Variants in SLC2A3 observed in about 807,000 individuals in gnomAD.
SLC2A3 encodes solute carrier family 2, facilitated glucose transporter member 3.
Under a neutral mutation model 46.4 loss-of-function variants are expected in SLC2A3, and 21 were observed. The observed-to-expected ratio is 0.45, with a 90% CI of 0.32 to 0.65. SLC2A3 has a LOEUF of 0.65. Ranked by LOEUF, SLC2A3 falls within the 30% of genes least tolerant of loss-of-function variation. The pLI is 0.04. For synonymous variants in SLC2A3, 213 were observed against 239.4 expected (o/e 0.89, Z 1.02); for missense variants, 499 against 623.3 (o/e 0.80, Z 2.12).
intron 6 of SLC2A3, among the ~76,000 whole-genome samples, chr12:7,927,339 A>G (rs954322016): frequency 6.6e-6 from 1 of 152,134 alleles, no homozygotes; most frequent in African/African-American, 2.4e-5. Context: ...ACAAGCAATA[A>G]ATAGGTATGC....
Position 7,936,074 on chromosome 12 carries a change from G to C in SLC2A3, c.-40C>G. The C allele has an allele frequency of 6.3e-7, 1 of 1,586,200 alleles. No individual in the cohort carries two copies. The highest frequency in any genetic ancestry group is 8.7e-7 in the Non-Finnish European group (1 of 1,154,796). The stretch of plus-strand genomic sequence containing the variant: ...TCAAGTCTTCAAGAAAGATCTAGGG[G>C]TGATTCCAGAAACAGCTTTTTCAGC... On this transcript the variant is annotated 5_prime_UTR_variant, in exon 1 of 10. Coordinates refer to ENST00000075120, the MANE Select transcript of SLC2A3 (RefSeq NM_006931.3).
At chr12:7,935,522 A>C (rs1417493804) in intron 1 of SLC2A3, among the ~76,000 whole-genome samples, 1 of 152,168 alleles carries the variant, frequency 6.6e-6, no homozygotes, top group Non-Finnish European at 1.5e-5. Flanking sequence ...TATGTCCTGC[A>C]CTCACGATTT....
At chr12:7,928,232 T>C (rs1946114893) in intron 6 of SLC2A3, among the ~76,000 whole-genome samples, 1 of 151,944 alleles carries the variant, frequency 6.6e-6, no homozygotes, top group Non-Finnish European at 1.5e-5. Context: ...ACCTGTTCTC[T>C]ACTAAAAATA....
chr12:7,930,945 C>T (rs2541280), intron 4 of SLC2A3, among the ~76,000 whole-genome samples: 30,223 of 151,404 alleles, frequency 0.2, 3,428 homozygotes, highest in South Asian at 0.29. Flanking sequence ...TACAGGTGCC[C>T]GCTACCACGC....
chr12:7,922,987 G>C lies in SLC2A3; in HGVS notation c.1106C>G (p.Ala369Gly). 1.9e-6 allele frequency: 3 copies of C among 1,613,938 alleles called. No individual in the cohort carries two copies. The highest frequency in any genetic ancestry group is 2.2e-5 in the East Asian group (1 of 44,888). ...YNGMSFVCIG[A>G]ILVFVAFFEI... The stretch of plus-strand genomic sequence containing the variant: ...AAAGAAGGCTACAAAGACCAAGATA[G>C]CCCCAATACAGACAAAGCTCATCCC... The change falls in exon 9 of 10, where the codon GCT becomes GGT. Residue 369 changes from alanine to glycine, a missense_variant. By Grantham distance (60) the Ala-to-Gly change is moderately conservative (BLOSUM62 0). Around this residue, in one of 5 missense-constraint regions of SLC2A3, gnomAD observed 179 missense variants for 205.1 expected, o/e 0.87. Coordinates refer to ENST00000075120, the MANE Select transcript of SLC2A3 (RefSeq NM_006931.3).
intron 1 of SLC2A3, among the ~76,000 whole-genome samples, chr12:7,934,121 A>G (rs963493048): frequency 6.6e-6 from 1 of 152,130 alleles, no homozygotes; most frequent in African/African-American, 2.4e-5. Context: ...GGTAAAAATG[A>G]AAGAAAATTG....
At chr12:7,923,130 A>C (rs754811790) in intron 8 of SLC2A3, 106 bp from the exon 9 acceptor site, 5 of 1,062,908 alleles carry the variant, frequency 4.7e-6, no homozygotes, top group Non-Finnish European at 6.7e-6. Context: ...CTGACGTACA[A>C]TACAAAGAGT....
chr12:7,935,582 A>C (rs1328510809), intron 1 of SLC2A3, among the ~76,000 whole-genome samples: 1 of 152,168 alleles, frequency 6.6e-6, no homozygotes, highest in Non-Finnish European at 1.5e-5. Flanking sequence ...AGCATCCACG[A>C]ACCCCATATG....
Position 7,925,877 on chromosome 12 carries a change from C to A in SLC2A3, c.933G>T (p.Ala311=). 1 of 1,613,678 alleles carries A rather than the reference C, an allele frequency of 6.2e-7. No individual in the cohort carries two copies. Among genetic ancestry groups the A allele is most frequent in the Non-Finnish European group, 8.5e-7 (1 of 1,179,764 alleles). ...CAGTGAAGATAGTATTAACCACACC[C>A]GCGCCGATGGTGGCATAGATGGGCT... ...VQEPIYATIG[A]GVVNTIFTVV... is the part of the protein sequence containing the mutation. Residue 311 remains alanine (A), a synonymous_variant, in exon 7 of 10, where the codon GCG becomes GCT. Transcript: ENST00000075120.
intron 4 of SLC2A3, 83 bp downstream of exon 4, chr12:7,931,162 T>C: frequency 1.9e-6 from 3 of 1,567,092 alleles, no homozygotes; most frequent in Non-Finnish European, 2.6e-6. Flanking sequence ...ATGTGCCAGA[T>C]ATTCTTCAGT....
Position 7,922,899 on chromosome 12 carries a change from G to A in SLC2A3, c.1194C>T (p.Arg398=), listed in dbSNP as rs1946053832. The stretch of plus-strand genomic sequence containing the variant: ...AGCCGGCCACTGCCATCGCAGCTGG[G>A]CGGGGGCCCTGGCTGAAGAGTTCGG... ...IVAELFSQGP[R]PAAMAVAGCS... The change falls in exon 9 of 10, where the codon CGC becomes CGT. Residue 398 remains arginine, a synonymous_variant. Coordinates refer to ENST00000075120, the MANE Select transcript of SLC2A3 (RefSeq NM_006931.3). 6.2e-7 allele frequency: 1 copy of A among 1,614,178 alleles called. No individual in the cohort carries two copies. The highest frequency in any genetic ancestry group is 8.5e-7 in the Non-Finnish European group (1 of 1,180,016).
At chr12:7,930,254 T>C (rs544728766) in intron 5 of SLC2A3, 1 of 542,186 alleles carries the variant, frequency 1.8e-6, no homozygotes, top group Non-Finnish European at 3.1e-6. Flanking sequence ...AATGCTGGAT[T>C]ACAGGCATGA....
chr12:7,934,594 C>T lies in SLC2A3; in HGVS notation c.16-692G>A, dbSNP rs191157621. Among the ~76,000 whole-genome samples, 36 of 152,232 alleles carry T rather than the reference C, an allele frequency of 2.4e-4. 1 individual carries two copies. In the East Asian group the frequency reaches 6.9e-3, roughly 29 times the overall value. On this transcript the variant is annotated intron_variant, in intron 1 of 9. Coordinates refer to ENST00000075120, the MANE Select transcript of SLC2A3 (RefSeq NM_006931.3). ...AGTGGGGAGAACCGGTCATCTTCACCTTGCCTGGAATAATTCAGCCGGGCG... is the reference window on the plus strand; with the variant it reads ...AGTGGGGAGAACCGGTCATCTTCACTTTGCCTGGAATAATTCAGCCGGGCG...
intron 6 of SLC2A3, among the ~76,000 whole-genome samples, chr12:7,928,259 A>G (rs1039209509): frequency 4.0e-5 from 6 of 151,462 alleles, no homozygotes; most frequent in Admixed American, 3.3e-4. Flanking sequence ...TTAGCCAGGC[A>G]TGGTGGCACA....
In SLC2A3 at chr12:7,923,040, A is replaced by G; in HGVS notation, c.1069-16T>C. On this transcript the variant is annotated splice_polypyrimidine_tract_variant and intron_variant, in intron 8 of 9. Transcript: ENST00000075120. Reference sequence around the variant, plus strand: ...TATAGTTATCCTGTAAGAGCAAGGAACAGAGAAAATTAAATTTAAAGACAG... The same window carrying G: ...TATAGTTATCCTGTAAGAGCAAGGAGCAGAGAAAATTAAATTTAAAGACAG... 1 of 1,602,260 alleles carries G rather than the reference A, an allele frequency of 6.2e-7. No homozygotes were observed. The highest frequency in any genetic ancestry group is 8.5e-7 in the Non-Finnish European group (1 of 1,174,562).
rs376028465 is a variant in SLC2A3 at position 7,923,066 on chromosome 12, T to G, written c.1069-42A>C. 2.6e-6 allele frequency: 4 copies of G among 1,554,294 alleles called. 1 individual carries two copies. The highest frequency in any genetic ancestry group is 3.5e-6 in the Non-Finnish European group (4 of 1,147,252). ...CAGAGAAAATTAAATTTAAAGACAG[T>G]GTAACCTAGTATCTAGGTTCCCAGA... On this transcript the variant is annotated intron_variant, in intron 8 of 9. Coordinates refer to ENST00000075120, the MANE Select transcript of SLC2A3 (RefSeq NM_006931.3).
At chr12:7,927,472 A>C (rs1410629842) in intron 6 of SLC2A3, among the ~76,000 whole-genome samples, 1 of 152,148 alleles carries the variant, frequency 6.6e-6, no homozygotes, top group African/African-American at 2.4e-5. Context: ...GGTAACCCCT[A>C]CATCATCTCA....
rs1484891050 is a variant in SLC2A3 at position 7,925,843 on chromosome 12, C to T, written c.966+1G>A. On this transcript the variant is annotated splice_donor_variant, in intron 7 of 9. Coordinates refer to ENST00000075120, the MANE Select transcript of SLC2A3 (RefSeq NM_006931.3). LOFTEE classifies it high-confidence loss of function. ...CAAAATTACCAAACCATCCAACTTA[C>T]AGAAACTACAGTGAAGATAGTATTA... 3.0e-5 allele frequency: 49 copies of T among 1,609,534 alleles called. No individual in the cohort carries two copies. The highest frequency in any genetic ancestry group is 4.0e-5 in the Non-Finnish European group (47 of 1,176,414).
chr12:7,932,955 G>A, intron 3 of SLC2A3, 32 bp downstream of exon 3: 8 of 1,612,178 alleles, frequency 5.0e-6, no homozygotes, highest in Non-Finnish European at 6.8e-6. Context: ...GGCTGGTAGA[G>A]CCCACTTCCT....
Sources: allele counts gnomAD v4.1 joint callset (sites outside exome capture counted in the v4.1 genomes callset), GRCh38; gene constraint gnomAD v4.1.1; regional missense constraint gnomAD v4.1.1; transcripts MANE v1.5; gene names NCBI Gene and HGNC (gene_info 2026-07-23, HGNC 2026-07-21).